NCOA3: variants seen among roughly 807,000 people sequenced by gnomAD.
NCOA3 encodes the protein CBP-interacting protein.
Under a neutral mutation model 158.8 loss-of-function variants are expected in NCOA3, and 51 were observed. The observed-to-expected ratio is 0.32, with a 90% CI of 0.26 to 0.41. The LOEUF is 0.41. Among genes scored for constraint, NCOA3 ranks in the 10% least tolerant of loss-of-function variants. The pLI is 1.00. For synonymous variants in NCOA3, 537 were observed against 592.4 expected (o/e 0.91, Z 1.36); for missense variants, 1,510 against 1,746.6 (o/e 0.86, Z 2.41).
intron 1 of NCOA3, among the ~76,000 whole-genome samples, chr20:47,542,094 G>C (rs2084753161): frequency 1.4e-5 from 2 of 143,600 alleles, no homozygotes; most frequent in Non-Finnish European, 3.0e-5. Flanking sequence ...GCAATGCTGT[G>C]ATCATAGCTT....
At chr20:47,567,033 TATG>T (rs748229903) in intron 1 of NCOA3, among the ~76,000 whole-genome samples, 6 of 151,804 alleles carry the variant, frequency 4.0e-5, no homozygotes, top group East Asian at 1.9e-4. Context: ...TGTATGTATG[TATG>T]TATGTATGTA....
chr20:47,578,429 G>C (rs2085404387), intron 1 of NCOA3, among the ~76,000 whole-genome samples: 1 of 152,062 alleles, frequency 6.6e-6, no homozygotes. Context: ...CAGGTGATCT[G>C]CCCACCTCGG....
chr20:47,511,550 T>TATATATATATATATACACACAC, intron 1 of NCOA3, among the ~76,000 whole-genome samples: 13 of 52,270 alleles, frequency 2.5e-4, no homozygotes, highest in Admixed American at 6.4e-4. Flanking sequence ...TATATATATA[T>TATATATATATATATACACACAC]ATATATTTCT....
At chr20:47,507,082 G>A (rs2084042056) in intron 1 of NCOA3, among the ~76,000 whole-genome samples, 1 of 152,196 alleles carries the variant, frequency 6.6e-6, no homozygotes, top group Non-Finnish European at 1.5e-5. Flanking sequence ...TAGATGGATA[G>A]ATGGGAAAGG....
chr20:47,577,969 G>A (rs1368815713), intron 1 of NCOA3, among the ~76,000 whole-genome samples: 2 of 152,096 alleles, frequency 1.3e-5, no homozygotes, highest in East Asian at 1.9e-4. Context: ...TGCATATGCT[G>A]TAATTTGAAA....
At chr20:47,619,442 C>G (rs1033047729) in intron 2 of NCOA3, among the ~76,000 whole-genome samples, 2 of 151,870 alleles carry the variant, frequency 1.3e-5, no homozygotes, top group Admixed American at 1.3e-4. Flanking sequence ...CCCAGGAGTT[C>G]AAGACCAGCC....
At position 47,546,387 on chromosome 20, in the gene NCOA3, G is replaced by A. The variant is rs901897759; in HGVS notation, c.-98-36796G>A. 2.6e-5 allele frequency among the ~76,000 whole-genome samples: 4 copies of A among 152,146 alleles called. No homozygotes were observed. In the East Asian group the frequency reaches 7.7e-4, roughly 29 times the overall value. On this transcript the variant is annotated intron_variant, in intron 1 of 22. Transcript: ENST00000371998. ...TGTTTCCTTGTATCCTGTTAGTAAC[G>A]TAACAGCTGGAGGGATCTTTTACAA...
chr20:47,581,622 G>A lies in NCOA3; in HGVS notation c.-98-1561G>A, dbSNP rs116290589. Among the ~76,000 whole-genome samples the A allele has an allele frequency of 4.2e-3, 635 of 152,246 alleles. 6 individuals carry two copies. Among genetic ancestry groups the A allele is most frequent in the African/African-American group, 0.014 (601 of 41,526 alleles). On this transcript the variant is annotated intron_variant, in intron 1 of 22. Coordinates refer to ENST00000371998, the MANE Select transcript of NCOA3 (RefSeq NM_181659.3). The stretch of plus-strand genomic sequence containing the variant: ...GCATGAAAGCTATTAACTTTAGGGC[G>A]TAATTATGGTTGTTATCTTGGTTCG...
At chr20:47,505,946 C>T (rs1438792182) in intron 1 of NCOA3, among the ~76,000 whole-genome samples, 16 of 151,856 alleles carry the variant, frequency 1.1e-4, no homozygotes, top group African/African-American at 1.7e-4. Flanking sequence ...CTGGGACTAC[C>T]GGCGCTCGCC....
intron 13 of NCOA3, among the ~76,000 whole-genome samples, chr20:47,638,716 C>T (rs2086556271): frequency 6.6e-6 from 1 of 151,740 alleles, no homozygotes; most frequent in Non-Finnish European, 1.5e-5. Flanking sequence ...AAGTGAAGCG[C>T]AGAGTATCAG....
chr20:47,561,136 G>T (rs1212396155), intron 1 of NCOA3, among the ~76,000 whole-genome samples: 7 of 151,488 alleles, frequency 4.6e-5, no homozygotes, highest in Non-Finnish European at 1.0e-4. Context: ...ACCATACTCA[G>T]CTACTTTTTT....
chr20:47,588,801 T>C (rs1036913708), intron 2 of NCOA3, among the ~76,000 whole-genome samples: 4 of 152,308 alleles, frequency 2.6e-5, no homozygotes, highest in Admixed American at 6.5e-5. Context: ...TTAACTGATA[T>C]CTCCTGGAAA....
chr20:47,628,345 T>G, intron 8 of NCOA3: 1 of 226,050 alleles, frequency 4.4e-6, no homozygotes, highest in Non-Finnish European at 8.5e-6. Context: ...CAAGCCCATT[T>G]GTCATAAAGA....
chr20:47,517,889 G>C (rs150127469), intron 1 of NCOA3, among the ~76,000 whole-genome samples: 76 of 152,290 alleles, frequency 5.0e-4, no homozygotes, highest in African/African-American at 1.8e-3. Flanking sequence ...GGATCGTCCA[G>C]TCCTAGGGCA....
At chr20:47,634,497 T>C (rs72645267) in intron 10 of NCOA3, among the ~76,000 whole-genome samples, 229 of 152,338 alleles carry the variant, frequency 1.5e-3, no homozygotes, top group African/African-American at 5.1e-3. Context: ...GTGTGTTGCT[T>C]TGGGGACTGC....
intron 2 of NCOA3, among the ~76,000 whole-genome samples, chr20:47,595,169 G>T (rs1387605324): frequency 6.6e-6 from 1 of 150,500 alleles, no homozygotes; most frequent in Non-Finnish European, 1.5e-5. Flanking sequence ...CGCCATCTCG[G>T]CTCACTGCAA....
intron 2 of NCOA3, among the ~76,000 whole-genome samples, chr20:47,605,403 G>A (rs541417197): frequency 5.3e-5 from 8 of 152,112 alleles, no homozygotes; most frequent in African/African-American, 1.7e-4. Flanking sequence ...TTGTTTGTGT[G>A]TGTGTGTGTA....
intron 4 of NCOA3, among the ~76,000 whole-genome samples, chr20:47,624,909 A>AT (rs1327286703): frequency 6.6e-6 from 1 of 152,070 alleles, no homozygotes; most frequent in Non-Finnish European, 1.5e-5. Flanking sequence ...AGTAGCTAGG[A>AT]TTACAGGCAC....
At chr20:47,601,446 T>C (rs1602467777) in intron 2 of NCOA3, among the ~76,000 whole-genome samples, 1 of 152,224 alleles carries the variant, frequency 6.6e-6, no homozygotes, top group Non-Finnish European at 1.5e-5. Context: ...CTTTCAGATA[T>C]AGACATGAAA....
Sources: gnomAD v4.1 joint callset for allele counts (sites outside exome capture counted in the v4.1 genomes callset) on GRCh38, gnomAD v4.1.1 for gene constraint, MANE v1.5 for transcripts, NCBI Gene and HGNC (gene_info 2026-07-23, HGNC 2026-07-21) for gene names.